Variants in SPATA12 observed in about 807,000 individuals in gnomAD.
SPATA12 encodes the protein spermatogenesis-associated protein 12.
For synonymous variants in SPATA12, 85 were observed against 89.2 expected (o/e 0.95, Z 0.26); for missense variants, 219 against 226.4 (o/e 0.97, Z 0.21).
In SPATA12 at chr3:57,066,085, G is replaced by C. The variant is rs1428635871; in HGVS notation, c.-330+5299G>C. 4.0e-5 allele frequency among the ~76,000 whole-genome samples: 6 copies of C among 151,422 alleles called. No individual in the cohort carries two copies. The East Asian group carries it at 9.7e-4, about 24-fold the overall frequency. Reference sequence around the variant, plus strand: ...ATGTAAGAAAAAATCCTTTCAATCAGAACAAGAAACTCTGCACCCCCACTG... The same window carrying C: ...ATGTAAGAAAAAATCCTTTCAATCACAACAAGAAACTCTGCACCCCCACTG... On this transcript the variant is annotated intron_variant, in intron 1 of 1. Transcript: ENST00000334325.
intron 1 of SPATA12, among the ~76,000 whole-genome samples, chr3:57,070,427 T>C (rs1705823066): frequency 6.6e-6 from 1 of 152,320 alleles, no homozygotes; most frequent in Middle Eastern, 3.4e-3. Flanking sequence ...TGCAGTTTGA[T>C]GGATGGGTCT....
At chr3:57,065,162 T>C (rs893559737) in intron 1 of SPATA12, among the ~76,000 whole-genome samples, 1 of 152,082 alleles carries the variant, frequency 6.6e-6, no homozygotes, top group Admixed American at 6.5e-5. Flanking sequence ...ATGTTGAAAT[T>C]ACTTGCAAAA....
chr3:57,064,372 G>A (rs1046087017), intron 1 of SPATA12, among the ~76,000 whole-genome samples: 9 of 151,148 alleles, frequency 6.0e-5, no homozygotes, highest in Non-Finnish European at 1.2e-4. Context: ...TATCCAGGCT[G>A]GGATGCAGCG....
chr3:57,072,959 T>A (rs1381205524), intron 1 of SPATA12, among the ~76,000 whole-genome samples: 1 of 152,096 alleles, frequency 6.6e-6, no homozygotes, highest in African/African-American at 2.4e-5. Flanking sequence ...AGCAGGAGAA[T>A]CACTTGAACC....
intron 1 of SPATA12, among the ~76,000 whole-genome samples, chr3:57,068,919 A>AT (rs35984791): frequency 0.18 from 24,615 of 138,216 alleles, 2,274 homozygotes; most frequent in East Asian, 0.35. Flanking sequence ...AAAAGATCTG[A>AT]TTTTTTTTTT....
Position 57,074,355 on chromosome 3 carries a change from C to A in SPATA12, c.*88C>A, listed in dbSNP as rs550406095. 16 of 1,219,580 alleles carry A rather than the reference C, an allele frequency of 1.3e-5. No homozygotes were observed. The African/African-American group carries it at 2.3e-4, about 17-fold the overall frequency. The allele number at this position is 1,219,580 out of a possible 1,614,324, so 75.5% of individuals were successfully genotyped here. ...TATGCCCTCCCTTCCATCCCCCACCCCCACCAGGGGTGACTCGTAGCCATC... is the reference window on the plus strand; with the variant it reads ...TATGCCCTCCCTTCCATCCCCCACCACCACCAGGGGTGACTCGTAGCCATC... On this transcript the variant is annotated 3_prime_UTR_variant, in exon 2 of 2. Transcript: ENST00000334325.
Position 57,074,060 on chromosome 3 carries a change from T to C in SPATA12, c.366T>C (p.Ile122=), listed in dbSNP as rs1452078701. ...LIQQGSCEQV[I]HNSTPQFLGM... ...AGCAAGGCAGTTGTGAGCAAGTTAT[T>C]CATAACTCTACACCTCAATTTCTTG... Residue 122 remains isoleucine (I), a synonymous_variant, in exon 2 of 2, where the codon ATT becomes ATC. Coordinates refer to ENST00000334325, the MANE Select transcript of SPATA12 (RefSeq NM_181727.2). 1.2e-6 allele frequency: 2 copies of C among 1,614,170 alleles called. No individual in the cohort carries two copies. The highest frequency in any genetic ancestry group is 8.5e-7 in the Non-Finnish European group (1 of 1,179,980).
intron 1 of SPATA12, among the ~76,000 whole-genome samples, chr3:57,067,267 C>G (rs1035849356): frequency 6.6e-6 from 1 of 151,504 alleles, no homozygotes; most frequent in African/African-American, 2.4e-5. Context: ...CTGGCTAACA[C>G]GGTGAAACCC....
intron 1 of SPATA12, among the ~76,000 whole-genome samples, chr3:57,071,614 C>T (rs1705910017): frequency 1.3e-5 from 2 of 148,624 alleles, no homozygotes; most frequent in South Asian, 4.2e-4. Context: ...GAGCCGAGAT[C>T]ATGCCACTAT....
At chr3:57,072,852 CT>C (rs1705997828) in intron 1 of SPATA12, among the ~76,000 whole-genome samples, 2 of 152,136 alleles carry the variant, frequency 1.3e-5, no homozygotes, top group Admixed American at 6.6e-5. Flanking sequence ...CAAGACCAGC[CT>C]GGCCAAGATG....
rs765980880 is a variant in SPATA12, at chr3:57,074,133, CTG to C, written c.444_445del (p.Cys148Ter). ...NERTTGWLWR[L>X]CEDIDAEPSS... ...GAGGACCACAGGATGGTTGTGGAGA[CTG>C]TGTGAGGATATAGATGCCGAGCCCA... On this transcript the variant is annotated frameshift_variant, in exon 2 of 2. Coordinates refer to ENST00000334325, the MANE Select transcript of SPATA12 (RefSeq NM_181727.2). LOFTEE classifies it low-confidence loss of function (END_TRUNC). The C allele has an allele frequency of 3.7e-6, 6 of 1,613,894 alleles. No homozygotes were observed. In the Admixed American group the frequency reaches 6.7e-5, roughly 18 times the overall value.
Position 57,073,557 on chromosome 3 carries a change from G to A in SPATA12, c.-138G>A. 7.2e-7 allele frequency: 1 copy of A among 1,379,966 alleles called. No individual in the cohort carries two copies. Among genetic ancestry groups the A allele is most frequent in the South Asian group, 1.5e-5 (1 of 65,540 alleles). 85.5% of individuals were successfully genotyped at this position (1,379,966 alleles called of 1,614,324 possible). A position where few individuals can be genotyped will look rare whatever the true frequency, so the allele number is the denominator to read the frequency against. On this transcript the variant is annotated 5_prime_UTR_variant, in exon 2 of 2. It adds an upstream start codon to the 5' untranslated region. Coordinates refer to ENST00000334325, the MANE Select transcript of SPATA12 (RefSeq NM_181727.2). Reference sequence around the variant, plus strand: ...TTTGAGCACCCCGGGATGATTGGTGGTGGGGTGTGGCTGAAGGTGAATTGG... The same window carrying A: ...TTTGAGCACCCCGGGATGATTGGTGATGGGGTGTGGCTGAAGGTGAATTGG...
rs887427100 is a variant in SPATA12 at position 57,070,534 on chromosome 3, A to G, written c.-329-2832A>G. 2.0e-5 allele frequency among the ~76,000 whole-genome samples: 3 copies of G among 152,318 alleles called. No homozygotes were observed. In the East Asian group the frequency reaches 5.8e-4, roughly 29 times the overall value. On this transcript the variant is annotated intron_variant, in intron 1 of 1. Transcript: ENST00000334325. The stretch of plus-strand genomic sequence containing the variant: ...AGGTTCCACAGTTAATATTGTTAAG[A>G]TGGCAAAACTCCCCAAGTGATCTAC...
chr3:57,074,403 T>C lies in SPATA12; in HGVS notation c.*136T>C, dbSNP rs1706112601. 2.7e-6 allele frequency: 2 copies of C among 732,894 alleles called. No homozygotes were observed. The highest frequency in any genetic ancestry group is 2.6e-5 in the East Asian group (1 of 38,992). 45.4% of individuals were successfully genotyped at this position (732,894 alleles called of 1,614,324 possible). ...ATCCCTTTCTGCATCTTCTTAGATA[T>C]CACTTTTTCCAAGAAGCCTCCCTGT... On this transcript the variant is annotated 3_prime_UTR_variant, in exon 2 of 2. Coordinates refer to ENST00000334325, the MANE Select transcript of SPATA12 (RefSeq NM_181727.2).
chr3:57,070,448 A>G (rs1031346604), intron 1 of SPATA12, among the ~76,000 whole-genome samples: 1 of 152,200 alleles, frequency 6.6e-6, no homozygotes, highest in East Asian at 1.9e-4. Context: ...CAGAGTGCCT[A>G]CTCAGCAGAC....
rs1466668284 is a variant in SPATA12 at position 57,066,269 on chromosome 3, TC to T, written c.-330+5484del. 7.3e-5 allele frequency among the ~76,000 whole-genome samples: 11 copies of T among 151,274 alleles called. No homozygotes were observed. In the South Asian group the frequency reaches 1.3e-3, roughly 17 times the overall value. ...CCAACCATTACACTTTTCCTTTCTT[TC>T]TTTTTTTTTTTTTCTGAAACAGAGT... On this transcript the variant is annotated intron_variant, in intron 1 of 1. Transcript: ENST00000334325.
chr3:57,066,696 G>A lies in SPATA12; in HGVS notation c.-330+5910G>A, dbSNP rs1465320911. 5.9e-5 allele frequency among the ~76,000 whole-genome samples: 9 copies of A among 152,316 alleles called. No homozygotes were observed. In the East Asian group the frequency reaches 1.5e-3, roughly 26 times the overall value. ...AAACATTCTAGACATTTCTGTGAAGGTATTTTTTAGATGAGATTAACATTT... is the reference window on the plus strand; with the variant it reads ...AAACATTCTAGACATTTCTGTGAAGATATTTTTTAGATGAGATTAACATTT... On this transcript the variant is annotated intron_variant, in intron 1 of 1. Coordinates refer to ENST00000334325, the MANE Select transcript of SPATA12 (RefSeq NM_181727.2).
intron 1 of SPATA12, among the ~76,000 whole-genome samples, chr3:57,072,172 G>A (rs1705944674): frequency 1.3e-5 from 2 of 152,154 alleles, no homozygotes; most frequent in African/African-American, 4.8e-5. Flanking sequence ...CTGCTGGTGG[G>A]ATTTTAAAAC....
At chr3:57,064,554 C>A (rs1300761082) in intron 1 of SPATA12, among the ~76,000 whole-genome samples, 2 of 152,124 alleles carry the variant, frequency 1.3e-5, no homozygotes, top group Admixed American at 6.6e-5. Flanking sequence ...CCCCTGGGCT[C>A]AACATCCGCC....
Sources: gnomAD v4.1 joint callset for allele counts (sites outside exome capture counted in the v4.1 genomes callset) on GRCh38, gnomAD v4.1.1 for gene constraint, MANE v1.5 for transcripts, NCBI Gene and HGNC (gene_info 2026-07-23, HGNC 2026-07-21) for gene names.